The following LRRC4C variants were observed in gnomAD, a reference collection of about 807,000 sequenced individuals.
LRRC4C encodes the protein leucine rich repeat containing 4C.
In LRRC4C, 5 loss-of-function variants were observed where a neutral mutation model predicts 33.6. The observed-to-expected ratio is 0.15, with a 90% confidence interval of 0.08 to 0.31. The LOEUF is 0.31. LRRC4C is among the 10% of genes least tolerant of loss of function. The probability of loss-of-function intolerance (pLI) is 1.00; values close to 1 mark genes in which losing one functional copy is unlikely to be tolerated. For missense variants in LRRC4C, 560 were observed against 796.7 expected, an observed-to-expected ratio of 0.70 and a Z score of 3.58; for synonymous variants, 329 against 302.0, an observed-to-expected ratio of 1.09 and a Z score of -0.93.
intron 5 of LRRC4C, among the ~76,000 whole-genome samples, chr11:40,241,243 A>G (rs1865906277): frequency 6.6e-6 from 1 of 152,070 alleles, no homozygotes; most frequent in East Asian, 1.9e-4. Context: ...TTAGCCAGGC[A>G]TGGTAGTGCA....
At chr11:40,541,781 T>C (rs183836268) in intron 3 of LRRC4C, among the ~76,000 whole-genome samples, 185 of 152,258 alleles carry the variant, frequency 1.2e-3, no homozygotes, top group African/African-American at 4.0e-3. Context: ...CCTTGATGTT[T>C]TCCCTTTGAT....
intron 3 of LRRC4C, among the ~76,000 whole-genome samples, chr11:40,549,099 A>T (rs1957038893): frequency 6.6e-6 from 1 of 152,198 alleles, no homozygotes; most frequent in Non-Finnish European, 1.5e-5. Context: ...TAAAACAGGA[A>T]TTCAGAAGCT....
intron 2 of LRRC4C, among the ~76,000 whole-genome samples, chr11:40,813,469 A>T (rs896169957): frequency 2.6e-5 from 4 of 152,108 alleles, no homozygotes; most frequent in Non-Finnish European, 4.4e-5. Flanking sequence ...TGATTCAATT[A>T]TCTATACCTG....
In LRRC4C at chr11:40,749,187, C is replaced by T. The variant is rs573655704; in HGVS notation, c.-406-100909G>A. 2.0e-4 allele frequency among the ~76,000 whole-genome samples: 31 copies of T among 152,128 alleles called. 1 individual carries two copies. Among genetic ancestry groups the T allele is most frequent in the African/African-American group, 6.3e-4 (26 of 41,524 alleles). On this transcript the variant is annotated intron_variant, in intron 2 of 6. Coordinates refer to ENST00000528697, the MANE Select transcript of LRRC4C (RefSeq NM_001258419.2). ...AGAATACATATTCTTCTCATCAGTA[C>T]GTGGAAAAGTCTCTAGGATAGACCA...
At chr11:41,155,754 A>G (rs1313028729) in intron 1 of LRRC4C, among the ~76,000 whole-genome samples, 1 of 152,152 alleles carries the variant, frequency 6.6e-6, no homozygotes, top group Admixed American at 6.6e-5. Context: ...TACCCAATGT[A>G]ACTAATCTTC....
chr11:40,803,640 G>A (rs1395898285), intron 2 of LRRC4C, among the ~76,000 whole-genome samples: 1 of 151,808 alleles, frequency 6.6e-6, no homozygotes, highest in Non-Finnish European at 1.5e-5. Context: ...TTGAGAAAGA[G>A]TCTCGCTCTG....
chr11:40,425,819 A>G (rs1950691602), intron 3 of LRRC4C, among the ~76,000 whole-genome samples: 1 of 152,184 alleles, frequency 6.6e-6, no homozygotes, highest in African/African-American at 2.4e-5. Flanking sequence ...ACTGATATTT[A>G]GCTGTCTTAG....
At chr11:40,391,098 TC>T (rs1484179173) in intron 3 of LRRC4C, among the ~76,000 whole-genome samples, 1 of 152,090 alleles carries the variant, frequency 6.6e-6, no homozygotes, top group Non-Finnish European at 1.5e-5. Context: ...GCCAGGCTGG[TC>T]TTGAACTCCT....
chr11:40,513,266 A>AAAAG (rs1955414756), intron 3 of LRRC4C, among the ~76,000 whole-genome samples: 1 of 151,344 alleles, frequency 6.6e-6, no homozygotes, highest in Admixed American at 6.6e-5. Context: ...AAAAAAAAAA[A>AAAAG]AAAGAAAAGA....
chr11:40,721,186 G>T (rs760086069), intron 2 of LRRC4C, among the ~76,000 whole-genome samples: 19 of 152,096 alleles, frequency 1.2e-4, no homozygotes, highest in Non-Finnish European at 2.4e-4. Flanking sequence ...TCCCCAGTGC[G>T]GTGGAATTTG....
At chr11:40,419,708 A>G (rs933911910) in intron 3 of LRRC4C, among the ~76,000 whole-genome samples, 10 of 152,222 alleles carry the variant, frequency 6.6e-5, no homozygotes, top group Non-Finnish European at 1.2e-4. Context: ...GCTTTTCACC[A>G]ATAGAGGGGA....
chr11:41,015,856 C>A (rs1180345845), intron 1 of LRRC4C, among the ~76,000 whole-genome samples: 1 of 151,980 alleles, frequency 6.6e-6, no homozygotes, highest in African/African-American at 2.4e-5. Flanking sequence ...AAAAATTTAT[C>A]CGGGCGTGGT....
chr11:41,054,851 C>T (rs1858502957), intron 1 of LRRC4C, among the ~76,000 whole-genome samples: 1 of 152,146 alleles, frequency 6.6e-6, no homozygotes, highest in Non-Finnish European at 1.5e-5. Context: ...AAAGAGAAGC[C>T]TGAACTATCA....
intron 1 of LRRC4C, among the ~76,000 whole-genome samples, chr11:41,374,361 G>A (rs946554424): frequency 6.6e-6 from 1 of 151,910 alleles, no homozygotes; most frequent in East Asian, 1.9e-4. Context: ...ATATTATTTA[G>A]AAGAGAAAAA....
At chr11:41,363,126 A>G (rs1952415304) in intron 1 of LRRC4C, among the ~76,000 whole-genome samples, 1 of 152,162 alleles carries the variant, frequency 6.6e-6, no homozygotes, top group Admixed American at 6.5e-5. Context: ...ACAGTAAAAC[A>G]AAAGGATCTC....
At chr11:41,275,093 T>A (rs1472583157) in intron 1 of LRRC4C, among the ~76,000 whole-genome samples, 1 of 152,148 alleles carries the variant, frequency 6.6e-6, no homozygotes, top group Admixed American at 6.5e-5. Flanking sequence ...TCTTGCTCCC[T>A]CTCGCCATGA....
chr11:41,311,178 G>A (rs1278882764), intron 1 of LRRC4C, among the ~76,000 whole-genome samples: 4 of 152,146 alleles, frequency 2.6e-5, no homozygotes, highest in African/African-American at 9.7e-5. Flanking sequence ...GCTATGCCGT[G>A]CATTAGAACC....
At chr11:41,015,944 C>A (rs61887634) in intron 1 of LRRC4C, among the ~76,000 whole-genome samples, 8,503 of 152,048 alleles carry the variant, frequency 0.056, 419 homozygotes, top group African/African-American at 0.14. Context: ...GAGCCGAGAT[C>A]GCGCCACTGC....
intron 1 of LRRC4C, among the ~76,000 whole-genome samples, chr11:41,017,534 A>T (rs7125467): frequency 6.6e-6 from 1 of 151,750 alleles, no homozygotes; most frequent in African/African-American, 2.4e-5. Context: ...TTGTTTAATC[A>T]GTGTCAATTA....
Sources: gnomAD v4.1 joint callset for allele counts (sites outside exome capture counted in the v4.1 genomes callset) on GRCh38, gnomAD v4.1.1 for gene constraint, MANE v1.5 for transcripts, NCBI Gene and HGNC (gene_info 2026-07-23, HGNC 2026-07-21) for gene names.